NBAS: variants seen among roughly 807,000 people sequenced by gnomAD.
The protein encoded by NBAS is NBAS subunit of NRZ tethering complex.
Under a neutral mutation model 302.5 loss-of-function variants are expected in NBAS, and 219 were observed. The observed-to-expected ratio is 0.72, with a 90% CI of 0.65 to 0.81. NBAS has a LOEUF of 0.81. Among genes scored for constraint, NBAS ranks in the 30% least tolerant of loss-of-function variants. The pLI is 0.00. For synonymous variants in NBAS, 1,118 were observed against 1,021.6 expected (o/e 1.09, Z -1.80); for missense variants, 2,932 against 2,841.6 (o/e 1.03, Z -0.72).
chr2:14,796,901 C>A, the NBAS span, among the ~76,000 whole-genome samples: 1 of 142,062 alleles, frequency 7.0e-6, no homozygotes, highest in Non-Finnish European at 1.5e-5. Context: ...GGTGAAACCC[C>A]GTCTCTCCTA....
At chr2:15,239,399 G>GTATATATATA (rs374042921) in intron 44 of NBAS, among the ~76,000 whole-genome samples, 83 of 134,006 alleles carry the variant, frequency 6.2e-4, no homozygotes, top group Admixed American at 1.1e-3. Context: ...GTGTGTGTGT[G>GTATATATATA]TGTATATATA....
intron 38 of NBAS, among the ~76,000 whole-genome samples, chr2:15,319,654 G>T (rs1341762833): frequency 1.3e-5 from 2 of 152,058 alleles, no homozygotes; most frequent in African/African-American, 2.4e-5. Flanking sequence ...AGAAGAAATG[G>T]ATAAATTCCT....
the NBAS span, among the ~76,000 whole-genome samples, chr2:15,129,073 A>G: frequency 7.9e-5 from 12 of 152,250 alleles, no homozygotes; most frequent in Non-Finnish European, 1.5e-4. Context: ...GCTGATGCAC[A>G]GCCGCAGCTC....
intron 21 of NBAS, among the ~76,000 whole-genome samples, chr2:15,435,011 T>C (rs752440586): frequency 1.3e-5 from 2 of 152,112 alleles, no homozygotes; most frequent in African/African-American, 2.4e-5. Context: ...CCCTGACAAA[T>C]AGCCTTTAGA....
the NBAS span, among the ~76,000 whole-genome samples, chr2:14,856,083 AAG>A: frequency 1.3e-5 from 2 of 152,000 alleles, no homozygotes; most frequent in African/African-American, 2.4e-5. Flanking sequence ...GAGAGAGAGA[AAG>A]AGAGAGAGAG....
the NBAS span, among the ~76,000 whole-genome samples, chr2:14,823,855 TG>T: frequency 2.0e-5 from 3 of 152,218 alleles, no homozygotes; most frequent in African/African-American, 4.8e-5. Context: ...ACAACAAAAA[TG>T]TAAACATTTT....
intron 9 of NBAS, among the ~76,000 whole-genome samples, chr2:15,524,038 A>G (rs532631669): frequency 2.6e-5 from 4 of 152,216 alleles, no homozygotes; most frequent in African/African-American, 4.8e-5. Flanking sequence ...ACTTCTTTCA[A>G]ATGATTTTTT....
intron 32 of NBAS, among the ~76,000 whole-genome samples, chr2:15,362,211 C>T (rs1471945317): frequency 6.6e-6 from 1 of 151,522 alleles, no homozygotes; most frequent in South Asian, 2.1e-4. Context: ...GGCACGGTGG[C>T]TCACGCCTGT....
the NBAS span, among the ~76,000 whole-genome samples, chr2:15,034,026 A>AGAAGAAG: frequency 2.0e-5 from 1 of 50,082 alleles, no homozygotes; most frequent in African/African-American, 8.4e-5. Flanking sequence ...AAGAAGAAGA[A>AGAAGAAG]GAGGAGGAGG....
At chr2:15,047,562 G>A in the NBAS span, among the ~76,000 whole-genome samples, 4 of 151,958 alleles carry the variant, frequency 2.6e-5, no homozygotes, top group African/African-American at 9.7e-5. Flanking sequence ...GTAAAGGCTG[G>A]GCCCGTGCAA....
intron 25 of NBAS, among the ~76,000 whole-genome samples, chr2:15,403,581 G>A (rs1335626479): frequency 6.6e-6 from 1 of 152,104 alleles, no homozygotes; most frequent in Non-Finnish European, 1.5e-5. Flanking sequence ...AAGAGGATGT[G>A]CAAAGGTTAT....
At chr2:15,312,566 C>A (rs1050008610) in intron 38 of NBAS, among the ~76,000 whole-genome samples, 1 of 152,124 alleles carries the variant, frequency 6.6e-6, no homozygotes, top group East Asian at 1.9e-4. Context: ...CATGAGCTAC[C>A]ATGCCCAGTC....
the NBAS span, among the ~76,000 whole-genome samples, chr2:14,834,574 A>C: frequency 2.6e-5 from 4 of 152,176 alleles, no homozygotes; most frequent in Non-Finnish European, 4.4e-5. Flanking sequence ...GGTATATGCA[A>C]GGTGCTATTC....
chr2:15,054,916 G>A, the NBAS span, among the ~76,000 whole-genome samples: 1 of 152,170 alleles, frequency 6.6e-6, no homozygotes, highest in Admixed American at 6.5e-5. Context: ...ATAAATTTGG[G>A]ACTGAGATTA....
At chr2:15,053,063 C>T in the NBAS span, among the ~76,000 whole-genome samples, 1 of 152,100 alleles carries the variant, frequency 6.6e-6, no homozygotes, top group Non-Finnish European at 1.5e-5. Flanking sequence ...CATTCCTGTG[C>T]ATGCATTAAA....
intron 14 of NBAS, 21 bp downstream of exon 14, chr2:15,475,662 TCAAA>T (rs756924752): frequency 5.6e-6 from 9 of 1,611,050 alleles, no homozygotes; most frequent in Admixed American, 5.0e-5. Context: ...ATAACTATTC[TCAAA>T]CAAACAGGAA....
Position 15,511,345 on chromosome 2 carries a change from A to G in NBAS, c.752T>C (p.Leu251Ser), listed in dbSNP as rs1429789208. The G allele has an allele frequency of 1.2e-6, 2 of 1,613,864 alleles. No homozygotes were observed. Among genetic ancestry groups the G allele is most frequent in the Non-Finnish European group, 8.5e-7 (1 of 1,179,838 alleles). ...AGCAGTTTCACATCCACCAACAAGT[A>G]AAAGTCTAAAAAGGAGAAAATTTTT... is the stretch of plus-strand genomic sequence containing the variant. ...TAIYHPGHRL[L>S]LVGGCETAEV... is the part of the protein sequence containing the mutation. Residue 251 changes from leucine to serine, a missense_variant, in exon 10 of 52, where the codon TTA becomes TCA. Transcript: ENST00000281513.
intron 6 of NBAS, among the ~76,000 whole-genome samples, chr2:15,547,678 ACG>A (rs1664179968): frequency 6.6e-6 from 1 of 152,134 alleles, no homozygotes; most frequent in African/African-American, 2.4e-5. Context: ...CACTCTAAGC[ACG>A]CTCCTCAGAA....
the NBAS span, among the ~76,000 whole-genome samples, chr2:15,080,946 G>A: frequency 6.6e-6 from 1 of 152,272 alleles, no homozygotes; most frequent in African/African-American, 2.4e-5. Flanking sequence ...AAATGGTTGA[G>A]AAACAAACCC....
Sources: allele counts gnomAD v4.1 joint callset (sites outside exome capture counted in the v4.1 genomes callset), GRCh38; gene constraint gnomAD v4.1.1; transcripts MANE v1.5; gene names NCBI Gene and HGNC (gene_info 2026-07-23, HGNC 2026-07-21).